PHTF2: variants seen among roughly 807,000 people sequenced by gnomAD.
PHTF2 encodes protein PHTF2.
PHTF2 carries 60 observed loss-of-function variants against 101.2 expected under a neutral mutation model. The observed-to-expected ratio is 0.59, with a 90% confidence interval of 0.48 to 0.73. The LOEUF is 0.73. Among genes scored for constraint, PHTF2 ranks in the 30% least tolerant of loss-of-function variants. The probability of loss-of-function intolerance (pLI) is 0.00; values close to 1 mark genes in which losing one functional copy is unlikely to be tolerated. For synonymous variants in PHTF2, 311 were observed against 307.3 expected, an observed-to-expected ratio of 1.01 and a Z score of -0.13; for missense variants, 747 against 908.7, an observed-to-expected ratio of 0.82 and a Z score of 2.29.
intron 13 of PHTF2, among the ~76,000 whole-genome samples, chr7:77,938,501 C>T (rs953022358): frequency 1.4e-4 from 21 of 152,132 alleles, no homozygotes; most frequent in East Asian, 3.9e-4. Context: ...GAGGCTGAGG[C>T]GGGCGGATCA....
rs928554249 is a variant in PHTF2, at chr7:77,923,337, A to T, written c.1119+559A>T. 5 of 956,170 alleles carry T rather than the reference A, an allele frequency of 5.2e-6. No individual in the cohort carries two copies. The African/African-American group carries it at 8.8e-5, about 17-fold the overall frequency. The allele number at this position is 956,170 out of a possible 1,614,324, so 59.2% of individuals were successfully genotyped here. A position where few individuals can be genotyped will look rare whatever the true frequency, so the allele number is the denominator to read the frequency against. The stretch of plus-strand genomic sequence containing the variant: ...TTTCAGTTTCTAATCTAAGGGTAGA[A>T]CATTTGGCTTTAAGGCAAATAAATT... On this transcript the variant is annotated intron_variant, in intron 11 of 19. Transcript: ENST00000416283.
intron 19 of PHTF2, 95 bp downstream of exon 18, chr7:77,953,989 G>A (rs1489637061): frequency 7.7e-6 from 7 of 909,816 alleles, no homozygotes; most frequent in South Asian, 3.6e-5. Flanking sequence ...CGGTCATTTT[G>A]GTAAGATTGC....
At position 77,933,216 on chromosome 7, in the gene PHTF2, C is replaced by CA. The variant is rs555767533; in HGVS notation, c.1338+3891dup. ...TGGCACCACTGCACTCCAGCCTGGGCAACAGAGCGAGACTCCGTCTCAAAA... is the reference window on the plus strand; with the variant it reads ...TGGCACCACTGCACTCCAGCCTGGGCAAACAGAGCGAGACTCCGTCTCAAAA... On this transcript the variant is annotated intron_variant, in intron 12 of 19. Transcript: ENST00000416283. 1.8e-3 allele frequency among the ~76,000 whole-genome samples: 270 copies of CA among 152,150 alleles called. 2 individuals carry two copies. The highest frequency in any genetic ancestry group is 6.1e-3 in the African/African-American group (253 of 41,514).
chr7:77,894,096 C>T (rs181696487), intron 5 of PHTF2, 103 bp downstream of exon 4: 20 of 877,338 alleles, frequency 2.3e-5, no homozygotes, highest in Middle Eastern at 2.2e-4. Flanking sequence ...GACTTGGACT[C>T]GAAAAGAGTC....
chr7:77,910,216 C>A (rs773866354), intron 8 of PHTF2, 29 bp from the exon 8 acceptor site: 1 of 1,578,754 alleles, frequency 6.3e-7, no homozygotes, highest in Non-Finnish European at 8.6e-7. Context: ...ATTAAAGCTG[C>A]CTTCCATTCT....
chr7:77,857,698 C>G (rs1797298486), intron 3 of PHTF2, among the ~76,000 whole-genome samples: 1 of 152,090 alleles, frequency 6.6e-6, no homozygotes, highest in South Asian at 2.1e-4. Flanking sequence ...AACAAGAACA[C>G]AGGTTTTGGG....
intron 9 of PHTF2, 89 bp downstream of exon 8, chr7:77,910,498 T>C: frequency 1.2e-6 from 1 of 862,110 alleles, no homozygotes. Flanking sequence ...TATTAATTAC[T>C]TTAAATGTGA....
intron 12 of PHTF2, among the ~76,000 whole-genome samples, chr7:77,931,470 G>A (rs1489900501): frequency 6.6e-6 from 1 of 152,176 alleles, no homozygotes; most frequent in Non-Finnish European, 1.5e-5. Context: ...TAAAATATAA[G>A]TGAAGATGGT....
intron 1 of PHTF2, among the ~76,000 whole-genome samples, chr7:77,806,205 GTTC>G (rs1239971493): frequency 1.3e-5 from 2 of 150,152 alleles, no homozygotes; most frequent in East Asian, 1.9e-4. Context: ...TGATAGAATT[GTTC>G]TTCTATATAT....
chr7:77,821,411 T>C (rs1794280309), intron 1 of PHTF2, among the ~76,000 whole-genome samples: 1 of 152,182 alleles, frequency 6.6e-6, no homozygotes, highest in African/African-American at 2.4e-5. Flanking sequence ...AGCTGTTATT[T>C]CATTAAATAT....
chr7:77,940,408 AT>A, intron 14 of PHTF2, 106 bp downstream of exon 13: 1 of 1,273,952 alleles, frequency 7.8e-7, no homozygotes, highest in East Asian at 2.5e-5. Flanking sequence ...TTACCTAATT[AT>A]TTTTTATTTT....
Position 77,902,020 on chromosome 7 carries a change from T to C in PHTF2, c.445+100T>C, listed in dbSNP as rs557552358. 6.1e-6 allele frequency: 3 copies of C among 493,326 alleles called. No homozygotes were observed. In the South Asian group the frequency reaches 2.8e-4, roughly 46 times the overall value. 30.6% of individuals were successfully genotyped at this position (493,326 alleles called of 1,614,324 possible). On this transcript the variant is annotated intron_variant, in intron 7 of 19. Transcript: ENST00000416283. ...ATATGCTAACTACTACTGAGTATGA[T>C]GTATAAGTATGTTAATAAAGGCACA...
chr7:77,929,299 A>G (rs1329129465), exon 12 of PHTF2: 2 of 1,606,948 alleles, frequency 1.2e-6, no homozygotes, highest in Non-Finnish European at 1.7e-6. Flanking sequence ...TGTGTGAAAA[A>G]AGAATATAGA....
chr7:77,831,318 C>T (rs544239129), intron 1 of PHTF2, among the ~76,000 whole-genome samples: 9 of 152,362 alleles, frequency 5.9e-5, no homozygotes, highest in Middle Eastern at 3.4e-3. Flanking sequence ...TTATTCTTAG[C>T]GGCTAAAGCA....
intron 11 of PHTF2, chr7:77,923,029 T>A (rs2150920708): frequency 8.8e-7 from 1 of 1,141,286 alleles, no homozygotes; most frequent in Non-Finnish European, 1.1e-6. Context: ...GTTTGTTGTT[T>A]GCTTTTAAAG....
At chr7:77,850,705 GA>G (rs1327486804) in intron 2 of PHTF2, among the ~76,000 whole-genome samples, 3 of 151,710 alleles carry the variant, frequency 2.0e-5, no homozygotes, top group Non-Finnish European at 2.9e-5. Context: ...GCTTTGGGGG[GA>G]AAAAAACAAA....
chr7:77,924,118 T>C, intron 11 of PHTF2: 1 of 959,040 alleles, frequency 1.0e-6, no homozygotes, highest in Non-Finnish European at 1.2e-6. Context: ...TTAAACCAGC[T>C]TTAAAGGGCG....
chr7:77,919,625 T>A (rs1227210448), intron 9 of PHTF2, among the ~76,000 whole-genome samples: 9 of 152,228 alleles, frequency 5.9e-5, no homozygotes, highest in East Asian at 5.8e-4. Flanking sequence ...GAAAAAAAAA[T>A]TTATTCTTAT....
chr7:77,900,609 A>G (rs2150828440), intron 5 of PHTF2, 102 bp from the exon 5 acceptor site: 1 of 697,184 alleles, frequency 1.4e-6, no homozygotes, highest in East Asian at 2.7e-5. Flanking sequence ...TGTTGGTACT[A>G]TTAACAATTT....
Sources: gnomAD v4.1 joint callset for allele counts (sites outside exome capture counted in the v4.1 genomes callset) on GRCh38, gnomAD v4.1.1 for gene constraint, MANE v1.5 for transcripts, NCBI Gene and HGNC (gene_info 2026-07-23, HGNC 2026-07-21) for gene names.